Variants in SP140 observed in about 807,000 individuals in gnomAD.
SP140 encodes the protein nuclear body protein SP140.
A neutral mutation model predicts 125.0 loss-of-function variants in SP140; 81 were observed. The ratio of observed to expected loss-of-function variants is 0.65; its 90% confidence interval spans 0.54 to 0.78. The LOEUF is 0.78. SP140 is among the 30% of genes least tolerant of loss of function. SP140 has a pLI of 0.00. For synonymous variants in SP140, 312 were observed against 354.0 expected (o/e 0.88, Z 1.33); for missense variants, 858 against 1,037.0 (o/e 0.83, Z 2.37).
chr2:230,292,556 T>A, intron 19 of SP140, 90 bp from the exon 20 acceptor site: 1 of 1,522,432 alleles, frequency 6.6e-7, no homozygotes, highest in South Asian at 1.2e-5. Context: ...CATCACAAAT[T>A]GGGTGGCTCT....
chr2:230,221,886 A>G (rs1280997148), upstream of SP140: 14 of 665,796 alleles, frequency 2.1e-5, no homozygotes, highest in Non-Finnish European at 3.7e-5. Flanking sequence ...TTGTTACATG[A>G]AAAAAAGACA....
chr2:230,191,265 G>A, the SP140 span, among the ~76,000 whole-genome samples: 3 of 152,014 alleles, frequency 2.0e-5, no homozygotes, highest in Non-Finnish European at 2.9e-5. Flanking sequence ...CCAAAAGCTA[G>A]CAGAAGACAA....
upstream of SP140, chr2:230,200,788 A>G: frequency 1.1e-6 from 1 of 909,954 alleles, no homozygotes; most frequent in Non-Finnish European, 1.8e-6. Context: ...AGTAATAATG[A>G]AAAAAAAAAG....
intron 22 of SP140, among the ~76,000 whole-genome samples, chr2:230,308,030 C>G (rs1465919595): frequency 6.8e-6 from 1 of 146,362 alleles, no homozygotes; most frequent in Non-Finnish European, 1.5e-5. Flanking sequence ...GACACACACA[C>G]ACACACACCA....
intron 6 of SP140, 58 bp from the exon 7 acceptor site, chr2:230,245,805 C>A: frequency 9.3e-7 from 1 of 1,076,450 alleles, no homozygotes; most frequent in South Asian, 1.3e-5. Flanking sequence ...CAGCATGGAT[C>A]CAGGTAGGTG....
the SP140 span, among the ~76,000 whole-genome samples, chr2:230,190,312 G>A: frequency 2.0e-5 from 3 of 151,366 alleles, no homozygotes; most frequent in African/African-American, 7.3e-5. Flanking sequence ...CAGTGATGTT[G>A]AGCGTTTTTC....
At chr2:230,205,826 G>A (rs1009424204) in intron 1 of SP140, among the ~76,000 whole-genome samples, 2 of 152,218 alleles carry the variant, frequency 1.3e-5, no homozygotes, top group African/African-American at 2.4e-5. Flanking sequence ...CTGAGTTGAA[G>A]ACGTAGAGTT....
chr2:230,287,923 C>G lies in SP140; in HGVS notation c.1677C>G (p.Phe559Leu), dbSNP rs1181400744. 6.2e-7 allele frequency: 1 copy of G among 1,612,286 alleles called. No individual in the cohort carries two copies. The change falls in exon 18 of 27, where the codon TTC becomes TTG. Residue 559 changes from phenylalanine to leucine, a missense_variant. By Grantham distance (22) the Phe-to-Leu change is conservative. Transcript: ENST00000392045. ...GRKRGKPGTR[F>L]TQSDRAAQKR... The stretch of plus-strand genomic sequence containing the variant: ...AGAGAGGCAAACCTGGAACCCGCTT[C>G]ACTCAGAGTGACAGAGCTGCACAGA...
intron 18 of SP140, among the ~76,000 whole-genome samples, chr2:230,288,455 ATCTTTCTT>A (rs34638665): frequency 0.095 from 11,792 of 123,518 alleles, 636 homozygotes; most frequent in Admixed American, 0.12. Flanking sequence ...TAGGCCAACT[ATCTTTCTT>A]TCTTTCTTTC....
chr2:230,265,792 G>T (rs79777754), intron 12 of SP140, among the ~76,000 whole-genome samples: 1 of 52,090 alleles, frequency 1.9e-5, no homozygotes, highest in African/African-American at 6.5e-5. Flanking sequence ...CAGTTTTACG[G>T]GGGGGGGCGG....
chr2:230,307,855 T>C (rs541058174), intron 22 of SP140, among the ~76,000 whole-genome samples: 52 of 149,544 alleles, frequency 3.5e-4, no homozygotes, highest in African/African-American at 1.1e-3. Context: ...CTTACAGAGG[T>C]TTCTGGCAAG....
At chr2:230,312,527 A>G in intron 26 of SP140, 59 bp from the exon 27 acceptor site, 1 of 1,120,380 alleles carries the variant, frequency 8.9e-7, no homozygotes, top group East Asian at 2.4e-5. Context: ...TCTCAGTTGA[A>G]AGGTGTCTCA....
chr2:230,202,735 CA>C (rs1484986323), upstream of SP140: 2 of 1,613,890 alleles, frequency 1.2e-6, no homozygotes, highest in East Asian at 4.5e-5. Context: ...GTCCCTGGAC[CA>C]AATAATGACT....
downstream of SP140, among the ~76,000 whole-genome samples, chr2:230,314,185 A>G (rs1229354446): frequency 6.6e-6 from 1 of 152,124 alleles, no homozygotes; most frequent in Non-Finnish European, 1.5e-5. Flanking sequence ...TTGACTCCAG[A>G]TGCCCCCTGA....
In SP140 at chr2:230,294,328, A is replaced by G; in HGVS notation, c.2016+10A>G. The G allele has an allele frequency of 6.3e-7, 1 of 1,598,194 alleles. No individual in the cohort carries two copies. The highest frequency in any genetic ancestry group is 8.6e-7 in the Non-Finnish European group (1 of 1,165,542). On this transcript the variant is annotated intron_variant, in intron 21 of 26. Coordinates refer to ENST00000392045, the MANE Select transcript of SP140 (RefSeq NM_007237.5). ...TTACAGGAAAAAAAAGGTGATTATT[A>G]CATAGCTTTATACAGCTTCTTGTCA...
In SP140 at chr2:230,290,448, CCT is replaced by C. The variant is rs1337485804; in HGVS notation, c.1721-7_1721-6del. On this transcript the variant is annotated splice_polypyrimidine_tract_variant and intron_variant, in intron 18 of 26. Coordinates refer to ENST00000392045, the MANE Select transcript of SP140 (RefSeq NM_007237.5). ...GCAAAGTGAGACAGAATGAAGAAATCCTCTCTTTCAGCTTCAAGAAAGCACAA... is the reference window on the plus strand; with the variant it reads ...GCAAAGTGAGACAGAATGAAGAAATCCTCTTTCAGCTTCAAGAAAGCACAA... 5.6e-6 allele frequency: 9 copies of C among 1,612,126 alleles called. No individual in the cohort carries two copies. Among genetic ancestry groups the C allele is most frequent in the Non-Finnish European group, 7.6e-6 (9 of 1,178,454 alleles).
chr2:230,286,363 G>C (rs2056382650), intron 17 of SP140, among the ~76,000 whole-genome samples: 1 of 152,208 alleles, frequency 6.6e-6, no homozygotes, highest in Non-Finnish European at 1.5e-5. Context: ...AACACATATA[G>C]TTGGGGGTGA....
intron 22 of SP140, among the ~76,000 whole-genome samples, chr2:230,305,162 A>G (rs2058638129): frequency 6.6e-6 from 1 of 152,262 alleles, no homozygotes; most frequent in South Asian, 2.1e-4. Context: ...AATGCTCAGC[A>G]TCACTAATTA....
the SP140 span, among the ~76,000 whole-genome samples, chr2:230,191,208 C>T: frequency 2.0e-5 from 3 of 151,948 alleles, no homozygotes; most frequent in African/African-American, 7.3e-5. Flanking sequence ...CAAATGGACA[C>T]CCTAACATCA....
Sources: allele counts gnomAD v4.1 joint callset (sites outside exome capture counted in the v4.1 genomes callset), GRCh38; gene constraint gnomAD v4.1.1; transcripts MANE v1.5; gene names NCBI Gene and HGNC (gene_info 2026-07-23, HGNC 2026-07-21).